The following MAEL variants were observed in gnomAD, a reference collection of about 807,000 sequenced individuals.
The protein encoded by MAEL is maelstrom spermatogenic transposon silencer.
A neutral mutation model predicts 62.0 loss-of-function variants in MAEL; 46 were observed. The observed-to-expected ratio is 0.74, with a 90% CI of 0.59 to 0.95. The LOEUF is 0.95. Ranked by LOEUF, MAEL falls within the 40% of genes least tolerant of loss-of-function variation. MAEL has a pLI of 0.00. For missense variants in MAEL, 497 were observed against 526.8 expected, an observed-to-expected ratio of 0.94 and a Z score of 0.55; for synonymous variants, 172 against 175.5, an observed-to-expected ratio of 0.98 and a Z score of 0.16.
At chr1:167,016,429 A>G in intron 9 of MAEL, 145 bp downstream of exon 9, 1 of 700,424 alleles carries the variant, frequency 1.4e-6, no homozygotes, top group Non-Finnish European at 2.5e-6. Flanking sequence ...TCAAAACTAC[A>G]GTGAGATATT....
At chr1:166,986,051 A>C (rs1363898173), upstream of MAEL, among the ~76,000 whole-genome samples, 1 of 152,220 alleles carries the variant, frequency 6.6e-6, no homozygotes. Flanking sequence ...TGAAAAATAC[A>C]CTGGATGGAA....
intron 7 of MAEL, 51 bp downstream of exon 7, chr1:167,005,181 A>G (rs1204672914): frequency 1.9e-6 from 3 of 1,610,480 alleles, no homozygotes; most frequent in African/African-American, 2.7e-5. Flanking sequence ...TAATATCTGT[A>G]TTTGTTTCCA....
At chr1:167,019,234 C>T (rs767668693) in intron 10 of MAEL, among the ~76,000 whole-genome samples, 3 of 152,188 alleles carry the variant, frequency 2.0e-5, no homozygotes, top group Non-Finnish European at 4.4e-5. Flanking sequence ...CTATACAGGA[C>T]AGCCTTCCAC....
intron 2 of MAEL, 141 bp from the exon 3 acceptor site, chr1:166,991,237 A>G: frequency 1.6e-6 from 1 of 630,366 alleles, no homozygotes; most frequent in South Asian, 2.0e-5. Context: ...TGTTGGTATT[A>G]TTGACAGATA....
At chr1:167,013,169 A>G (rs961611313) in intron 8 of MAEL, among the ~76,000 whole-genome samples, 4 of 152,316 alleles carry the variant, frequency 2.6e-5, no homozygotes, top group African/African-American at 9.6e-5. Flanking sequence ...TCGTCCTGCT[A>G]GAGCTCAGTG....
chr1:166,981,126 A>G (rs768838911), intron 1 of MAEL, among the ~76,000 whole-genome samples: 103 of 152,322 alleles, frequency 6.8e-4, no homozygotes, highest in Non-Finnish European at 1.3e-3. Context: ...TGTGGGCTTT[A>G]AAGACCAGGG....
At chr1:167,019,625 G>T (rs1214149964) in intron 10 of MAEL, among the ~76,000 whole-genome samples, 1 of 152,042 alleles carries the variant, frequency 6.6e-6, no homozygotes, top group Non-Finnish European at 1.5e-5. Flanking sequence ...TTTTCAAATG[G>T]TGACATCTTT....
intron 8 of MAEL, among the ~76,000 whole-genome samples, chr1:167,012,836 G>C (rs1665226317): frequency 6.6e-6 from 1 of 152,174 alleles, no homozygotes; most frequent in African/African-American, 2.4e-5. Context: ...TAGACAATCA[G>C]TGTGACTGGG....
chr1:167,014,521 G>A (rs1367813458), intron 8 of MAEL, among the ~76,000 whole-genome samples: 2 of 152,124 alleles, frequency 1.3e-5, no homozygotes, highest in Admixed American at 1.3e-4. Context: ...GTAAATTCTG[G>A]TAGAATTCCA....
intron 5 of MAEL, among the ~76,000 whole-genome samples, chr1:167,002,946 C>T (rs1571259040): frequency 6.6e-6 from 1 of 152,116 alleles, no homozygotes; most frequent in South Asian, 2.1e-4. Flanking sequence ...AGATTCAGCT[C>T]TCTAAGATTT....
chr1:166,991,809 CTG>C (rs1290422175), intron 3 of MAEL, among the ~76,000 whole-genome samples: 1 of 152,050 alleles, frequency 6.6e-6, no homozygotes, highest in African/African-American at 2.4e-5. Flanking sequence ...GTTTTCAGAT[CTG>C]TTCTACAGTG....
chr1:166,989,916 G>A, intron 2 of MAEL, 87 bp downstream of exon 2: 1 of 1,057,352 alleles, frequency 9.5e-7, no homozygotes, highest in East Asian at 2.5e-5. Flanking sequence ...TGAATGTCAA[G>A]GGTGGACTGC....
At chr1:167,020,901 C>A (rs995439497) in intron 10 of MAEL, among the ~76,000 whole-genome samples, 184 bp from the exon 11 acceptor site, 3 of 151,890 alleles carry the variant, frequency 2.0e-5, no homozygotes, top group Non-Finnish European at 2.9e-5. Context: ...CCCTATACTT[C>A]GTAATCTCCC....
Position 167,004,218 on chromosome 1 carries a change from C to T in MAEL, c.562C>T (p.Arg188Cys), listed in dbSNP as rs780212800. The change falls in exon 6 of 12, where the codon CGT becomes TGT. Residue 188 changes from arginine (R) to cysteine (C), a missense_variant. Coordinates refer to ENST00000367872, the MANE Select transcript of MAEL (RefSeq NM_032858.3). Reference sequence around the variant, plus strand: ...CAAGATTCCTATTTCAAATTTTGAACGTGGGCATAACCAAGCAACTGTGTT... The same window carrying T: ...CAAGATTCCTATTTCAAATTTTGAATGTGGGCATAACCAAGCAACTGTGTT... ...SHKIPISNFERGHNQATVLQN... is the reference protein window; with the variant it reads ...SHKIPISNFECGHNQATVLQN... 12 of 1,608,860 alleles carry T rather than the reference C, an allele frequency of 7.5e-6. No individual in the cohort carries two copies. The highest frequency in any genetic ancestry group is 5.1e-5 in the Admixed American group (3 of 59,238).
chr1:166,989,021 C>T (rs1182139505), upstream of MAEL: 1 of 256,782 alleles, frequency 3.9e-6, no homozygotes, highest in East Asian at 8.5e-5. Flanking sequence ...TCTCTACCTA[C>T]TTTGTCGCAC....
At chr1:166,985,497 T>G (rs1387877567), upstream of MAEL, among the ~76,000 whole-genome samples, 9 of 152,186 alleles carry the variant, frequency 5.9e-5, no homozygotes. Flanking sequence ...TATATTCCCA[T>G]CAGCCAAAGT....
At chr1:166,977,143 T>C (rs1663616667) in intron 1 of MAEL, among the ~76,000 whole-genome samples, 1 of 152,330 alleles carries the variant, frequency 6.6e-6, no homozygotes, top group Non-Finnish European at 1.5e-5. Context: ...GGCTGTGGTC[T>C]TGCAGGCTCT....
At chr1:167,015,195 GTTTT>G (rs576199020) in intron 8 of MAEL, among the ~76,000 whole-genome samples, 1 of 151,930 alleles carries the variant, frequency 6.6e-6, no homozygotes, top group Non-Finnish European at 1.5e-5. Flanking sequence ...CCAGTTTAGA[GTTTT>G]TTTGTTTTCT....
intron 8 of MAEL, among the ~76,000 whole-genome samples, chr1:167,009,530 C>G (rs909164194): frequency 4.6e-5 from 7 of 151,016 alleles, no homozygotes; most frequent in Admixed American, 3.3e-4. Flanking sequence ...TATGCAGGTC[C>G]ATTTTCTAAG....
Sources: allele counts gnomAD v4.1 joint callset (sites outside exome capture counted in the v4.1 genomes callset), GRCh38; gene constraint gnomAD v4.1.1; transcripts MANE v1.5; gene names NCBI Gene and HGNC (gene_info 2026-07-23, HGNC 2026-07-21).